Variants in OR5K1 observed in about 807,000 individuals in gnomAD.
OR5K1 encodes the protein olfactory receptor 5K1.
OR5K1 carries 7 observed loss-of-function variants against 10.4 expected under a neutral mutation model. The observed-to-expected ratio is 0.67, with a 90% confidence interval of 0.38 to 1.26. The LOEUF (loss-of-function observed/expected upper bound fraction) is 1.26, where lower values mean the gene tolerates loss of function less well. Ranked by LOEUF, OR5K1 falls within the 50% of genes most tolerant of loss-of-function variation. OR5K1 has a pLI of 0.02. For synonymous variants in OR5K1, 135 were observed against 128.5 expected (o/e 1.05, Z -0.34); for missense variants, 435 against 366.2 (o/e 1.19, Z -1.53).
At position 98,471,334 on chromosome 3, in the gene OR5K1, A is replaced by G. The variant is rs1332893922; in HGVS notation, c.*831A>G. The G allele has an allele frequency of 1.3e-5, 2 of 152,000 alleles. No individual in the cohort carries two copies. The highest frequency in any genetic ancestry group is 2.4e-5 in the African/African-American group (1 of 41,436). The allele number at this position is 152,000 out of a possible 1,614,324, so 9.4% of individuals were successfully genotyped here. ...AGGAAAGGTTTCAACAATAGAGACC[A>G]CTACCCTGGGTATATTATATATAGA... On this transcript the variant is annotated 3_prime_UTR_variant, in exon 2 of 2. Transcript: ENST00000642057.
At chr3:98,464,339 C>T (rs1290156565) in intron 1 of OR5K1, among the ~76,000 whole-genome samples, 1 of 152,074 alleles carries the variant, frequency 6.6e-6, no homozygotes, top group Non-Finnish European at 1.5e-5. Flanking sequence ...CCTTCAGAAA[C>T]CAAAAAGGAG....
At chr3:98,465,860 T>C (rs1341315819) in intron 1 of OR5K1, among the ~76,000 whole-genome samples, 1 of 151,060 alleles carries the variant, frequency 6.6e-6, no homozygotes, top group Non-Finnish European at 1.5e-5. Flanking sequence ...TTTTTATTCA[T>C]GATTTTTGAC....
Position 98,470,462 on chromosome 3 carries a change from G to A in OR5K1, c.886G>A (p.Glu296Lys), listed in dbSNP as rs1705434984. ...NPFIYSLRNR[E>K]VISVLRKILM... ...TTTCATTTATAGCCTGAGAAATAGG[G>A]AAGTAATAAGTGTCTTAAGAAAAAT... is the stretch of plus-strand genomic sequence containing the variant. The change falls in exon 2 of 2, where the codon GAA becomes AAA. Residue 296 changes from glutamate (E) to lysine (K), a missense_variant. Physicochemically the swap from Glu to Lys is moderately conservative, Grantham distance 56. Coordinates refer to ENST00000642057, the MANE Select transcript of OR5K1 (RefSeq NM_001004736.4). The A allele has an allele frequency of 1.3e-6, 2 of 1,583,826 alleles. No homozygotes were observed. The highest frequency in any genetic ancestry group is 1.7e-6 in the Non-Finnish European group (2 of 1,157,336).
In OR5K1 at chr3:98,471,331, A is replaced by G. The variant is rs557233013; in HGVS notation, c.*828A>G. On this transcript the variant is annotated 3_prime_UTR_variant, in exon 2 of 2. Coordinates refer to ENST00000642057, the MANE Select transcript of OR5K1 (RefSeq NM_001004736.4). ...GTGAGGAAAGGTTTCAACAATAGAG[A>G]CCACTACCCTGGGTATATTATATAT... 2 of 151,914 alleles carry G rather than the reference A, an allele frequency of 1.3e-5. No homozygotes were observed. The highest frequency in any genetic ancestry group is 2.9e-5 in the Non-Finnish European group (2 of 67,942). 9.4% of individuals were successfully genotyped at this position (151,914 alleles called of 1,614,324 possible).
At chr3:98,464,175 G>C (rs186797025) in intron 1 of OR5K1, among the ~76,000 whole-genome samples, 7 of 152,212 alleles carry the variant, frequency 4.6e-5, no homozygotes, top group African/African-American at 1.7e-4. Context: ...AGAATCCCTT[G>C]AACCTGGGAG....
chr3:98,470,393 C>A lies in OR5K1; in HGVS notation c.817C>A (p.Pro273Thr), dbSNP rs747522716. 1.2e-6 allele frequency: 2 copies of A among 1,610,210 alleles called. No homozygotes were observed. Among genetic ancestry groups the A allele is most frequent in the East Asian group, 2.2e-5 (1 of 44,810 alleles). The change falls in exon 2 of 2, where the codon CCA (proline) becomes ACA (threonine). Residue 273 changes from proline to threonine, a missense_variant. Pro to Thr is a conservative substitution (Grantham distance 38, BLOSUM62 -1). Coordinates refer to ENST00000642057, the MANE Select transcript of OR5K1 (RefSeq NM_001004736.4). Reference sequence around the variant, plus strand: ...GCTTGAAGAAGGGGATAAAGATATACCAGCTGCAATTTTATTTACAATAGT... The same window carrying A: ...GCTTGAAGAAGGGGATAAAGATATAACAGCTGCAATTTTATTTACAATAGT... ...NLLEEGDKDI[P>T]AAILFTIVVP...
At chr3:98,464,398 C>T (rs1025885764) in intron 1 of OR5K1, among the ~76,000 whole-genome samples, 6 of 152,240 alleles carry the variant, frequency 3.9e-5, no homozygotes, top group South Asian at 4.1e-4. Flanking sequence ...TCCCAAACTT[C>T]GGAGTATAGT....
rs369914287 is a variant in OR5K1, at chr3:98,470,177, A to G, written c.601A>G (p.Ile201Val). Reference protein sequence around the residue: ...DPYINELVLFIFSGSVQVFTI... With the variant: ...DPYINELVLFVFSGSVQVFTI... Reference sequence around the variant, plus strand: ...TTATATCAATGAACTGGTTCTATTCATCTTCTCAGGTTCAGTTCAAGTCTT... The same window carrying G: ...TTATATCAATGAACTGGTTCTATTCGTCTTCTCAGGTTCAGTTCAAGTCTT... The change falls in exon 2 of 2, where the codon ATC (isoleucine) becomes GTC (valine). Residue 201 changes from isoleucine (I) to valine (V), a missense_variant. Physicochemically the swap from Ile to Val is conservative, Grantham distance 29. Transcript: ENST00000642057. The G allele has an allele frequency of 2.7e-5, 44 of 1,613,272 alleles. No individual in the cohort carries two copies. Among genetic ancestry groups the G allele is most frequent in the Non-Finnish European group, 3.5e-5 (41 of 1,179,594 alleles).
At position 98,470,089 on chromosome 3, in the gene OR5K1, G is replaced by C. The variant is rs367830052; in HGVS notation, c.513G>C (p.Ser171=). The C allele has an allele frequency of 6.2e-7, 1 of 1,613,586 alleles. No individual in the cohort carries two copies. Among genetic ancestry groups the C allele is most frequent in the Non-Finnish European group, 8.5e-7 (1 of 1,179,696 alleles). ...GLVFRLVFCG[S]NHINHFYCDI... ...TATTTAGGTTAGTTTTCTGTGGATCGAATCACATCAACCACTTTTACTGTG... is the reference window on the plus strand; with the variant it reads ...TATTTAGGTTAGTTTTCTGTGGATCCAATCACATCAACCACTTTTACTGTG... Residue 171 remains serine, a synonymous_variant, in exon 2 of 2, where the codon TCG becomes TCC. Coordinates refer to ENST00000642057, the MANE Select transcript of OR5K1 (RefSeq NM_001004736.4).
chr3:98,465,966 T>G (rs1319016528), intron 1 of OR5K1, among the ~76,000 whole-genome samples: 1 of 151,934 alleles, frequency 6.6e-6, no homozygotes, highest in Non-Finnish European at 1.5e-5. Flanking sequence ...GTTACATATG[T>G]ATACATGTGC....
At chr3:98,465,987 C>T (rs868331572) in intron 1 of OR5K1, among the ~76,000 whole-genome samples, 7 of 151,134 alleles carry the variant, frequency 4.6e-5, no homozygotes, top group Admixed American at 2.0e-4. Context: ...CATGCTGGTG[C>T]GCTGCACCCA....
Position 98,463,229 on chromosome 3 carries a change from T to C in OR5K1, c.-90T>C, listed in dbSNP as rs1409096033. 2 of 152,228 alleles carry C rather than the reference T, an allele frequency of 1.3e-5. No homozygotes were observed. The highest frequency in any genetic ancestry group is 2.9e-5 in the Non-Finnish European group (2 of 68,030). 9.4% of individuals were successfully genotyped at this position (152,228 alleles called of 1,614,324 possible). ...TCCTAAATGATCAAGAAGATAGAGC[T>C]TAATTGTGAGATCTACTTTAAAAAC... On this transcript the variant is annotated 5_prime_UTR_variant, in exon 1 of 2. Coordinates refer to ENST00000642057, the MANE Select transcript of OR5K1 (RefSeq NM_001004736.4).
intron 1 of OR5K1, among the ~76,000 whole-genome samples, chr3:98,465,564 G>A (rs1389480547): frequency 1.3e-5 from 2 of 151,934 alleles, no homozygotes; most frequent in Non-Finnish European, 2.9e-5. Flanking sequence ...TCCAGTAATT[G>A]CACAAATTTT....
intron 1 of OR5K1, among the ~76,000 whole-genome samples, chr3:98,464,942 ATTAG>A (rs1211281517): frequency 2.6e-5 from 4 of 152,152 alleles, no homozygotes; most frequent in South Asian, 2.1e-4. Context: ...TGCAGAAAAC[ATTAG>A]TTAAATTCCC....
Position 98,469,564 on chromosome 3 carries a change from A to C in OR5K1, c.-11-2A>C. 1.3e-6 allele frequency: 2 copies of C among 1,592,390 alleles called. No individual in the cohort carries two copies. The highest frequency in any genetic ancestry group is 1.7e-6 in the Non-Finnish European group (2 of 1,169,260). On this transcript the variant is annotated splice_acceptor_variant, in intron 1 of 1. Coordinates refer to ENST00000642057, the MANE Select transcript of OR5K1 (RefSeq NM_001004736.4). LOFTEE classifies it low-confidence loss of function (5UTR_SPLICE). ...CCTTCTTTCTCCACAATTTTTTTTCAGACAAGTCAGGAATGGCTGAAGAAA... is the reference window on the plus strand; with the variant it reads ...CCTTCTTTCTCCACAATTTTTTTTCCGACAAGTCAGGAATGGCTGAAGAAA...
At position 98,469,866 on chromosome 3, in the gene OR5K1, G is replaced by A. The variant is rs754526631; in HGVS notation, c.290G>A (p.Cys97Tyr). Residue 97 changes from cysteine (C) to tyrosine (Y), a missense_variant, in exon 2 of 2, where the codon TGT (cysteine) becomes TAT (tyrosine). Coordinates refer to ENST00000642057, the MANE Select transcript of OR5K1 (RefSeq NM_001004736.4). ...SENKRISLYECAVQFYFLCTV... is the reference protein window; with the variant it reads ...SENKRISLYEYAVQFYFLCTV... ...AACAAAAGGATTTCCCTCTATGAATGTGCAGTACAGTTTTATTTTCTTTGC... is the reference window on the plus strand; with the variant it reads ...AACAAAAGGATTTCCCTCTATGAATATGCAGTACAGTTTTATTTTCTTTGC... 1 of 1,613,790 alleles carries A rather than the reference G, an allele frequency of 6.2e-7. No homozygotes were observed. The highest frequency in any genetic ancestry group is 8.5e-7 in the Non-Finnish European group (1 of 1,179,798).
intron 1 of OR5K1, among the ~76,000 whole-genome samples, chr3:98,466,919 C>G (rs1464219914): frequency 8.3e-6 from 1 of 120,066 alleles, no homozygotes; most frequent in Non-Finnish European, 1.7e-5. Flanking sequence ...TCCCATTTGT[C>G]AATTTTGGCT....
At chr3:98,468,371 A>C (rs552673566) in intron 1 of OR5K1, among the ~76,000 whole-genome samples, 65 of 152,296 alleles carry the variant, frequency 4.3e-4, no homozygotes, top group Non-Finnish European at 7.8e-4. Context: ...TTAAGAGTGT[A>C]GTTCAATAGA....
chr3:98,466,265 A>C (rs1705374270), intron 1 of OR5K1, among the ~76,000 whole-genome samples: 1 of 126,032 alleles, frequency 7.9e-6, no homozygotes, highest in Non-Finnish European at 1.6e-5. Context: ...TCCATGGTGT[A>C]TATGTGCCAC....
Sources: allele counts gnomAD v4.1 joint callset (sites outside exome capture counted in the v4.1 genomes callset), GRCh38; gene constraint gnomAD v4.1.1; transcripts MANE v1.5; gene names NCBI Gene and HGNC (gene_info 2026-07-23, HGNC 2026-07-21).